The following DDHD1 variants were observed in gnomAD, a reference collection of about 807,000 sequenced individuals.
DDHD1 encodes the protein phospholipase DDHD1.
In DDHD1, 49 loss-of-function variants were observed where a neutral mutation model predicts 96.4. That is an observed-to-expected ratio of 0.51 (90% CI 0.40 to 0.64). The LOEUF is 0.64. Among genes scored for constraint, DDHD1 ranks in the 30% least tolerant of loss-of-function variants. The pLI is 0.00. For missense variants in DDHD1, 1,106 were observed against 1,161.2 expected (o/e 0.95, Z 0.69); for synonymous variants, 442 against 446.5 (o/e 0.99, Z 0.13).
chr14:53,152,902 T>A lies in DDHD1; in HGVS notation c.197A>T (p.His66Leu), dbSNP rs1000311098. ...LALLRGEPGLHLAPGTDDHNH... is the reference protein window; with the variant it reads ...LALLRGEPGLLLAPGTDDHNH... ...GTGGTCGTCGGTGCCCGGCGCCAAA[T>A]GCAGCCCGGGTTCCCCGCGCAGCAG... Residue 66 changes from histidine (H) to leucine (L), a missense_variant, in exon 1 of 13, where the codon CAT becomes CTT. By Grantham distance (99) the His-to-Leu change is moderately conservative. Around this residue, in one of 2 missense-constraint regions of DDHD1, gnomAD observed 456 missense variants for 402.4 expected, o/e 1.13. Transcript: ENST00000673822. The A allele has an allele frequency of 6.2e-7, 1 of 1,608,374 alleles. No individual in the cohort carries two copies. The highest frequency in any genetic ancestry group is 1.3e-5 in the African/African-American group (1 of 74,626).
chr14:53,055,870 T>A lies in DDHD1; in HGVS notation c.2035A>T (p.Ile679Phe). The stretch of plus-strand genomic sequence containing the variant: ...TACCAGTGGATCTGGACAGGTGAAA[T>A]GTTGCTGTAGTGTTTCAGTATTAAT... Reference protein sequence around the residue: ...EPLILKHYSNISPVQIHWYNT... With the variant: ...EPLILKHYSNFSPVQIHWYNT... The change falls in exon 10 of 13, where the codon ATT becomes TTT. Residue 679 changes from isoleucine to phenylalanine, a missense_variant. Transcript: ENST00000673822. 1.2e-6 allele frequency: 2 copies of A among 1,613,780 alleles called. No individual in the cohort carries two copies. The highest frequency in any genetic ancestry group is 1.7e-6 in the Non-Finnish European group (2 of 1,179,804).
intron 6 of DDHD1, among the ~76,000 whole-genome samples, chr14:53,064,613 C>T (rs1883866919): frequency 2.0e-5 from 3 of 152,084 alleles, no homozygotes; most frequent in African/African-American, 4.8e-5. Context: ...TAAAATATTT[C>T]ACTATGGAAT....
intron 4 of DDHD1, among the ~76,000 whole-genome samples, chr14:53,076,024 A>G (rs919609545): frequency 2.0e-5 from 3 of 152,132 alleles, no homozygotes; most frequent in African/African-American, 7.2e-5. Flanking sequence ...GTACTAGGAG[A>G]TGAATGTTGT....
At chr14:53,090,805 G>A (rs1165770206) in intron 4 of DDHD1, among the ~76,000 whole-genome samples, 2 of 151,872 alleles carry the variant, frequency 1.3e-5, no homozygotes, top group Non-Finnish European at 2.9e-5. Context: ...AAACCAACGT[G>A]GCACATGTAT....
chr14:53,091,997 T>A, intron 3 of DDHD1, 65 bp from the exon 4 acceptor site: 2 of 1,475,094 alleles, frequency 1.4e-6, no homozygotes, highest in Admixed American at 2.2e-5. Flanking sequence ...CACAATATGT[T>A]AAAAGAAAAA....
chr14:53,103,181 T>C (rs1887438921), intron 2 of DDHD1: 2 of 811,186 alleles, frequency 2.5e-6, no homozygotes, highest in Non-Finnish European at 3.7e-6. Flanking sequence ...GTTACAAAAA[T>C]ATGCAAGTGC....
At chr14:53,102,823 A>G (rs1469973558) in intron 2 of DDHD1, among the ~76,000 whole-genome samples, 1 of 151,872 alleles carries the variant, frequency 6.6e-6, no homozygotes, top group Non-Finnish European at 1.5e-5. Context: ...TCATTCTGTA[A>G]ATCACCTGAT....
intron 1 of DDHD1, among the ~76,000 whole-genome samples, chr14:53,110,049 T>C (rs1299190331): frequency 6.6e-6 from 1 of 152,234 alleles, no homozygotes; most frequent in Non-Finnish European, 1.5e-5. Flanking sequence ...CTGCATTCCC[T>C]ATCACAGTGA....
chr14:53,122,199 G>A (rs186803321), intron 1 of DDHD1, among the ~76,000 whole-genome samples: 7 of 152,306 alleles, frequency 4.6e-5, no homozygotes, highest in East Asian at 1.9e-4. Context: ...GCTAACAGCC[G>A]TGGCACCTTC....
rs1342914921 is a variant in DDHD1 at position 53,051,864 on chromosome 14, T to C, written c.2501A>G (p.Gln834Arg). Residue 834 changes from glutamine to arginine, a missense_variant, in exon 12 of 13, where the codon CAG (glutamine) becomes CGG (arginine). Gln to Arg is a conservative substitution (Grantham distance 43, BLOSUM62 1). Transcript: ENST00000673822. ...PQLLFPENVMQNKDNALVELD... is the reference protein window; with the variant it reads ...PQLLFPENVMRNKDNALVELD... ...CATACCGAGGGCATTATCTTTATTC[T>C]GCATTACATTTTCCGGAAAAAGAAG... is the stretch of plus-strand genomic sequence containing the variant. The C allele has an allele frequency of 6.3e-7, 1 of 1,599,052 alleles. No homozygotes were observed. Among genetic ancestry groups the C allele is most frequent in the Non-Finnish European group, 8.5e-7 (1 of 1,171,914 alleles).
chr14:53,039,526 A>C lies in DDHD1; in HGVS notation c.*7242T>G, dbSNP rs1056219744. On this transcript the variant is annotated 3_prime_UTR_variant, in exon 13 of 13. Coordinates refer to ENST00000673822, the MANE Select transcript of DDHD1 (RefSeq NM_001160148.2). ...AGGGACTCACACAAAGCAGAAAATA[A>C]TTTTAACAAGGAGCAGGAAAGGATT... The C allele has an allele frequency of 6.6e-6, 1 of 152,392 alleles. No homozygotes were observed. The highest frequency in any genetic ancestry group is 2.4e-5 in the African/African-American group (1 of 41,450). The allele number at this position is 152,392 out of a possible 1,614,324, so 9.4% of individuals were successfully genotyped here. A position where few individuals can be genotyped will look rare whatever the true frequency, so the allele number is the denominator to read the frequency against.
intron 1 of DDHD1, among the ~76,000 whole-genome samples, chr14:53,124,534 G>A (rs1036324439): frequency 6.6e-6 from 1 of 152,054 alleles, no homozygotes; most frequent in Admixed American, 6.5e-5. Context: ...AACTGGGATC[G>A]CATTTGAAAA....
In DDHD1 at chr14:53,046,736, A is replaced by C. The variant is rs1198646098; in HGVS notation, c.*32T>G. The C allele has an allele frequency of 2.1e-6, 3 of 1,411,762 alleles. No individual in the cohort carries two copies. Among genetic ancestry groups the C allele is most frequent in the Admixed American group, 5.2e-5 (2 of 38,160 alleles). 87.5% of individuals were successfully genotyped at this position (1,411,762 alleles called of 1,614,324 possible). On this transcript the variant is annotated 3_prime_UTR_variant, in exon 13 of 13. Transcript: ENST00000673822. ...CATTTTAACGGAAAAAAAAAAAATC[A>C]GTTTTAGGCCATTCATGTCCTTCAA... is the stretch of plus-strand genomic sequence containing the variant.
chr14:53,055,314 G>T (rs1230094956), intron 10 of DDHD1, among the ~76,000 whole-genome samples: 1 of 152,192 alleles, frequency 6.6e-6, no homozygotes, highest in Non-Finnish European at 1.5e-5. Context: ...TGACACAAGT[G>T]CTTTCTCATT....
intron 2 of DDHD1, chr14:53,102,999 A>C (rs1887420644): frequency 1.9e-6 from 3 of 1,549,052 alleles, no homozygotes; most frequent in Admixed American, 4.0e-5. Flanking sequence ...ACAAATCTAC[A>C]AATTCTAATC....
chr14:53,093,174 A>T (rs937900107), intron 3 of DDHD1, 142 bp downstream of exon 3: 7 of 736,082 alleles, frequency 9.5e-6, no homozygotes, highest in Non-Finnish European at 1.4e-5. Flanking sequence ...ACTTAATAAA[A>T]GTTTCATTTA....
At chr14:53,119,882 G>A (rs1283521184) in intron 1 of DDHD1, among the ~76,000 whole-genome samples, 4 of 152,160 alleles carry the variant, frequency 2.6e-5, no homozygotes, top group Non-Finnish European at 5.9e-5. Context: ...CATTCCCTTT[G>A]AAAACCAGCA....
In DDHD1 at chr14:53,133,955, C is replaced by T. The variant is rs1327856037; in HGVS notation, c.838+18306G>A. Among the ~76,000 whole-genome samples the T allele has an allele frequency of 2.0e-5, 3 of 152,284 alleles. No homozygotes were observed. The South Asian group carries it at 6.2e-4, about 32-fold the overall frequency. ...TACAGGACCCTCCCCATTGGGTTCA[C>T]CATTCCAGAATAAAGCTGTGTCCAT... On this transcript the variant is annotated intron_variant, in intron 1 of 12. Transcript: ENST00000673822.
intron 1 of DDHD1, chr14:53,149,716 T>A (rs1891220370): frequency 6.6e-6 from 1 of 152,234 alleles, no homozygotes; most frequent in African/African-American, 2.4e-5. Flanking sequence ...ATGCTAGTTA[T>A]AAGCTATAAT....
Sources: gnomAD v4.1 joint callset for allele counts (sites outside exome capture counted in the v4.1 genomes callset) on GRCh38, gnomAD v4.1.1 for gene constraint, gnomAD v4.1.1 regional missense constraint, MANE v1.5 for transcripts, NCBI Gene and HGNC (gene_info 2026-07-23, HGNC 2026-07-21) for gene names.